CLNK: variants seen among roughly 807,000 people sequenced by gnomAD.
CLNK encodes cytokine dependent hematopoietic cell linker.
Under a neutral mutation model 68.6 loss-of-function variants are expected in CLNK, and 74 were observed. The ratio of observed to expected loss-of-function variants is 1.08; its 90% CI spans 0.89 to 1.31. CLNK has a LOEUF of 1.31. Among genes scored for constraint, CLNK ranks in the 50% most tolerant of loss-of-function variants. CLNK has a pLI of 0.00. For missense variants in CLNK, 553 were observed against 515.3 expected (o/e 1.07, Z -0.71); for synonymous variants, 198 against 172.2 (o/e 1.15, Z -1.17).
chr4:10,546,610 C>T (rs962155103), intron 8 of CLNK, among the ~76,000 whole-genome samples: 1 of 152,154 alleles, frequency 6.6e-6, no homozygotes, highest in Non-Finnish European at 1.5e-5. Flanking sequence ...AAGCTTTCGC[C>T]AGAATTTAAA....
At chr4:10,517,215 C>T (rs971071686) in intron 15 of CLNK, among the ~76,000 whole-genome samples, 1 of 151,708 alleles carries the variant, frequency 6.6e-6, no homozygotes, top group African/African-American at 2.4e-5. Context: ...AAGACTGATA[C>T]TGGAATGTAC....
intron 1 of CLNK, among the ~76,000 whole-genome samples, chr4:10,683,409 G>A (rs4697646): frequency 0.11 from 16,408 of 152,220 alleles, 1,236 homozygotes; most frequent in Admixed American, 0.23. Flanking sequence ...CATTTAGATG[G>A]TTGGTGTCAG....
At chr4:10,652,269 CT>C (rs1723773308) in intron 2 of CLNK, among the ~76,000 whole-genome samples, 1 of 148,922 alleles carries the variant, frequency 6.7e-6, no homozygotes, top group South Asian at 2.1e-4. Flanking sequence ...GTAATCCCAG[CT>C]ACTTGGGATG....
rs372004502 is a variant in CLNK, at chr4:10,672,801, T to C, written c.-42-4890A>G. Among the ~76,000 whole-genome samples, 13 of 152,330 alleles carry C rather than the reference T, an allele frequency of 8.5e-5. No homozygotes were observed. In the East Asian group the frequency reaches 2.1e-3, roughly 25 times the overall value. Reference sequence around the variant, plus strand: ...AAGGGAGTGGACTTGAGTGTCAGTCTATTCCCATCTCCATCTACCCAGCAC... The same window carrying C: ...AAGGGAGTGGACTTGAGTGTCAGTCCATTCCCATCTCCATCTACCCAGCAC... On this transcript the variant is annotated intron_variant, in intron 1 of 18. Transcript: ENST00000226951.
intron 2 of CLNK, among the ~76,000 whole-genome samples, chr4:10,665,677 A>G (rs1329832950): frequency 1.3e-5 from 2 of 151,668 alleles, no homozygotes; most frequent in Non-Finnish European, 2.9e-5. Context: ...AAAAAAAAAA[A>G]AAAAAAGGCA....
At chr4:10,645,126 C>T (rs1723459705) in intron 2 of CLNK, among the ~76,000 whole-genome samples, 1 of 152,198 alleles carries the variant, frequency 6.6e-6, no homozygotes, top group African/African-American at 2.4e-5. Context: ...TTCCAAAAAG[C>T]CTTCCCTGAT....
chr4:10,552,618 T>G (rs753269656), intron 8 of CLNK, among the ~76,000 whole-genome samples: 4 of 152,120 alleles, frequency 2.6e-5, no homozygotes, highest in African/African-American at 4.8e-5. Flanking sequence ...ACCCCTATAA[T>G]TTCATCTCCA....
chr4:10,716,683 A>G, the CLNK span, among the ~76,000 whole-genome samples: 1 of 94,030 alleles, frequency 1.1e-5, no homozygotes, highest in African/African-American at 3.1e-5. Context: ...GCAAGACAGA[A>G]AACTTTTTTT....
At chr4:10,687,253 A>G (rs1386395991), upstream of CLNK, among the ~76,000 whole-genome samples, 2 of 152,032 alleles carry the variant, frequency 1.3e-5, no homozygotes, top group Admixed American at 6.6e-5. Flanking sequence ...CGAATCTAAT[A>G]TAATAGAGAG....
intron 2 of CLNK, among the ~76,000 whole-genome samples, chr4:10,617,713 C>T (rs1722290068): frequency 6.6e-6 from 1 of 152,108 alleles, no homozygotes; most frequent in African/African-American, 2.4e-5. Context: ...TTTATTTGTA[C>T]CATATAGCCA....
In CLNK at chr4:10,656,388, T is replaced by G. The variant is rs1477089812; in HGVS notation, c.11+11471A>C. The G allele has an allele frequency of 6.0e-5, 9 of 150,514 alleles. 1 individual carries two copies. Among genetic ancestry groups the G allele is most frequent in the Admixed American group, 5.9e-4 (9 of 15,150 alleles). 9.3% of individuals were successfully genotyped at this position (150,514 alleles called of 1,614,324 possible). ...GGCAAAAGATTTGACAAGCATTGTG[T>G]GCAGACGAGAAAAGCTTAATGGCTA... On this transcript the variant is annotated intron_variant, in intron 2 of 18. Transcript: ENST00000226951.
chr4:10,593,382 C>T (rs116472201), intron 3 of CLNK, among the ~76,000 whole-genome samples: 1,645 of 152,100 alleles, frequency 0.011, 11 homozygotes, highest in South Asian at 0.031. Context: ...AGGCGGGGCA[C>T]GGTGGCTCAT....
chr4:10,721,055 A>T, the CLNK span, among the ~76,000 whole-genome samples: 1 of 152,220 alleles, frequency 6.6e-6, no homozygotes, highest in Admixed American at 6.5e-5. Flanking sequence ...TGAGTGAAAA[A>T]GTCAATCAAG....
intron 5 of CLNK, among the ~76,000 whole-genome samples, chr4:10,569,628 G>T (rs1720263810): frequency 6.6e-6 from 1 of 152,200 alleles, no homozygotes; most frequent in Admixed American, 6.5e-5. Context: ...TAGACTGGCA[G>T]GAATGGACAC....
In CLNK at chr4:10,525,842, TG is replaced by T; in HGVS notation, c.729del (p.Ser243ArgfsTer82). 6.4e-7 allele frequency: 1 copy of T among 1,571,402 alleles called. No individual in the cohort carries two copies. Among genetic ancestry groups the T allele is most frequent in the Non-Finnish European group, 8.7e-7 (1 of 1,153,400 alleles). On this transcript the variant is annotated frameshift_variant and splice_region_variant, in exon 14 of 19. Transcript: ENST00000226951. LOFTEE classifies it high-confidence loss of function. ...GAGAAAGGATTCCTGGCTCCTTACC[TG>T]CTAATGGCAAGTGGAATCTCTTGAG... ...QNTQEIPLAISSSSFTTSNHS... is the reference protein window; with the variant it reads ...QNTQEIPLAIXSSSFTTSNHS...
At chr4:10,571,491 T>C (rs1440210106) in intron 5 of CLNK, among the ~76,000 whole-genome samples, 3 of 151,928 alleles carry the variant, frequency 2.0e-5, no homozygotes, top group East Asian at 3.9e-4. Flanking sequence ...CACACCACCA[T>C]GCCTGGCTAA....
At chr4:10,702,570 G>T in the CLNK span, among the ~76,000 whole-genome samples, 1 of 152,212 alleles carries the variant, frequency 6.6e-6, no homozygotes, top group Non-Finnish European at 1.5e-5. Context: ...GCATCTTACA[G>T]CTGTGCTTAT....
the CLNK span, among the ~76,000 whole-genome samples, chr4:10,727,313 C>T: frequency 2.0e-5 from 3 of 152,160 alleles, no homozygotes; most frequent in Admixed American, 6.5e-5. Flanking sequence ...TACTGAAGGT[C>T]AGCTTGAGAG....
At chr4:10,723,919 A>AGAGAGACAGAGAGAGAG in the CLNK span, among the ~76,000 whole-genome samples, 11 of 148,100 alleles carry the variant, frequency 7.4e-5, no homozygotes, top group East Asian at 2.0e-4. Context: ...AGAGAGAGAG[A>AGAGAGACAGAGAGAGAG]AGGCAGGGCA....
Sources: allele counts gnomAD v4.1 joint callset (sites outside exome capture counted in the v4.1 genomes callset), GRCh38; gene constraint gnomAD v4.1.1; transcripts MANE v1.5; gene names NCBI Gene and HGNC (gene_info 2026-07-23, HGNC 2026-07-21).